Variants in UNC13C observed in about 807,000 individuals in gnomAD.
The protein encoded by UNC13C is protein unc-13 homolog C.
In UNC13C, 174 loss-of-function variants were observed where a neutral mutation model predicts 245.4. The ratio of observed to expected loss-of-function variants is 0.71; its 90% CI spans 0.63 to 0.80. UNC13C has a LOEUF of 0.80. Among genes scored for constraint, UNC13C ranks in the 30% least tolerant of loss-of-function variants. The pLI is 0.00. For synonymous variants in UNC13C, 992 were observed against 895.1 expected (o/e 1.11, Z -1.93); for missense variants, 2,829 against 2,602.9 (o/e 1.09, Z -1.89).
At chr15:53,841,957 G>C in the UNC13C span, among the ~76,000 whole-genome samples, 1 of 152,142 alleles carries the variant, frequency 6.6e-6, no homozygotes, top group Admixed American at 6.6e-5. Flanking sequence ...GGGTCACTTT[G>C]GGGAAGATCT....
In UNC13C at chr15:54,261,172, T is replaced by C. The variant is rs116899668; in HGVS notation, c.3449-2996T>C. 8.2e-4 allele frequency among the ~76,000 whole-genome samples: 125 copies of C among 152,320 alleles called. 1 individual carries two copies. In the East Asian group the frequency reaches 0.015, roughly 18 times the overall value. On this transcript the variant is annotated intron_variant, in intron 8 of 32. Transcript: ENST00000260323. The stretch of plus-strand genomic sequence containing the variant: ...GATCTCATCAATTGTTGATCTCTGG[T>C]TGGCATATTACTGTATTTCAATGAC...
At chr15:54,033,273 A>G (rs1470576892) in intron 2 of UNC13C, among the ~76,000 whole-genome samples, 6 of 152,186 alleles carry the variant, frequency 3.9e-5, no homozygotes, top group African/African-American at 7.2e-5. Flanking sequence ...CTATTTACCA[A>G]TATTCTGATA....
At chr15:54,544,213 A>G (rs1018866665) in intron 26 of UNC13C, among the ~76,000 whole-genome samples, 1 of 152,230 alleles carries the variant, frequency 6.6e-6, no homozygotes, top group African/African-American at 2.4e-5. Flanking sequence ...ATCTCAATGG[A>G]TGCAGAAAAG....
At chr15:54,002,377 G>A (rs2140976238) in intron 1 of UNC13C, among the ~76,000 whole-genome samples, 1 of 152,164 alleles carries the variant, frequency 6.6e-6, no homozygotes, top group East Asian at 1.9e-4. Context: ...TCTGAGTCTA[G>A]CTTTTTTTTT....
At chr15:54,214,885 TTTAAAAGCTAA>T (rs2034991990) in intron 4 of UNC13C, among the ~76,000 whole-genome samples, 1 of 151,940 alleles carries the variant, frequency 6.6e-6, no homozygotes, top group South Asian at 2.1e-4. Flanking sequence ...GACTTAGATG[TTTAAAAGCTAA>T]CACCCTAAAT....
chr15:54,276,668 T>C (rs2036841101), intron 10 of UNC13C, among the ~76,000 whole-genome samples: 1 of 152,114 alleles, frequency 6.6e-6, no homozygotes. Flanking sequence ...CTGTTGTGAA[T>C]TTTTTATACG....
chr15:54,039,780 GGTGTCTAGAATCTGAT>G (rs1896736277), intron 2 of UNC13C, among the ~76,000 whole-genome samples: 2 of 151,510 alleles, frequency 1.3e-5, no homozygotes, highest in East Asian at 3.9e-4. Context: ...GCTTCACTTG[GGTGTCTAGAATCTGAT>G]GACTTCTTAC....
chr15:53,986,628 C>T (rs1303666106), intron 1 of UNC13C, among the ~76,000 whole-genome samples: 1 of 151,826 alleles, frequency 6.6e-6, no homozygotes, highest in African/African-American at 2.4e-5. Flanking sequence ...TTATACAGTA[C>T]CAAGAAAGTA....
At chr15:54,038,120 A>ATTTT (rs1246982047) in intron 2 of UNC13C, among the ~76,000 whole-genome samples, 49 of 45,194 alleles carry the variant, frequency 1.1e-3, no homozygotes, top group Non-Finnish European at 1.4e-3. Flanking sequence ...ATATATATAT[A>ATTTT]TATATTTTTT....
intron 30 of UNC13C, among the ~76,000 whole-genome samples, chr15:54,594,790 G>C (rs28391351): frequency 6.6e-6 from 1 of 152,178 alleles, no homozygotes; most frequent in Admixed American, 6.5e-5. Flanking sequence ...ATGTGTGTTC[G>C]GGAAAGGATG....
chr15:54,236,491 T>A, intron 6 of UNC13C, 56 bp downstream of exon 6: 1 of 1,378,326 alleles, frequency 7.3e-7, no homozygotes, highest in South Asian at 1.2e-5. Flanking sequence ...AAACATACAC[T>A]GCACTTACTC....
chr15:54,167,774 C>A (rs1255176662), intron 4 of UNC13C, among the ~76,000 whole-genome samples: 6 of 151,856 alleles, frequency 4.0e-5, no homozygotes, highest in Non-Finnish European at 8.8e-5. Flanking sequence ...AATCCTACAA[C>A]TCCATTAAAA....
rs547312619 is a variant in UNC13C at position 54,574,701 on chromosome 15, G to A, written c.6106+6754G>A. Among the ~76,000 whole-genome samples the A allele has an allele frequency of 2.0e-5, 3 of 152,272 alleles. 1 individual carries two copies. The South Asian group carries it at 6.2e-4, about 32-fold the overall frequency. On this transcript the variant is annotated intron_variant, in intron 30 of 32. Transcript: ENST00000260323. ...AAAAATATTAATAGTTAATGCCTAT[G>A]TGAATTAAAATACAAGAGCTGAAGT... is the stretch of plus-strand genomic sequence containing the variant.
chr15:54,558,111 G>C (rs1012567226), intron 29 of UNC13C, among the ~76,000 whole-genome samples: 3 of 152,040 alleles, frequency 2.0e-5, no homozygotes, highest in Admixed American at 2.0e-4. Flanking sequence ...GTGGGGTGGG[G>C]AGAGGTGGGA....
At chr15:53,954,359 AT>A in the UNC13C span, among the ~76,000 whole-genome samples, 2 of 152,202 alleles carry the variant, frequency 1.3e-5, no homozygotes, top group Non-Finnish European at 2.9e-5. Flanking sequence ...GTTTCATATG[AT>A]GATAGATGCT....
upstream of UNC13C, among the ~76,000 whole-genome samples, chr15:53,973,235 A>G (rs1256813206): frequency 6.6e-6 from 1 of 152,102 alleles, no homozygotes; most frequent in Non-Finnish European, 1.5e-5. Context: ...CGTCGCCATT[A>G]TGAATGGAGG....
intron 14 of UNC13C, among the ~76,000 whole-genome samples, chr15:54,323,491 C>T (rs2038219603): frequency 6.6e-6 from 1 of 151,928 alleles, no homozygotes; most frequent in African/African-American, 2.4e-5. Context: ...TAACATGTTT[C>T]TCAAATTTAA....
At chr15:54,472,443 G>C in intron 19 of UNC13C, among the ~76,000 whole-genome samples, 1 of 143,684 alleles carries the variant, frequency 7.0e-6, no homozygotes, top group East Asian at 1.9e-4. Context: ...ATTAAAAAGT[G>C]CTTACTTTTA....
chr15:53,873,923 TC>T, the UNC13C span, among the ~76,000 whole-genome samples: 1 of 47,584 alleles, frequency 2.1e-5, no homozygotes, highest in Non-Finnish European at 4.2e-5. Context: ...TTCCTTCCTT[TC>T]TTCCTTCCTT....
Sources: allele counts gnomAD v4.1 joint callset (sites outside exome capture counted in the v4.1 genomes callset), GRCh38; gene constraint gnomAD v4.1.1; transcripts MANE v1.5; gene names NCBI Gene and HGNC (gene_info 2026-07-23, HGNC 2026-07-21).